The following REM1 variants were observed in gnomAD, a reference collection of about 807,000 sequenced individuals.
REM1 encodes RRAD and GEM like GTPase 1, also known as GTP-binding protein REM 1.
In REM1, 20 loss-of-function variants were observed where a neutral mutation model predicts 27.0. The observed-to-expected ratio is 0.74, with a 90% CI of 0.52 to 1.08. REM1 has a LOEUF of 1.08. Ranked by LOEUF, REM1 falls within the 50% of genes least tolerant of loss-of-function variation. REM1 has a pLI of 0.00. For synonymous variants in REM1, 159 were observed against 167.9 expected, an observed-to-expected ratio of 0.95 and a Z score of 0.41; for missense variants, 405 against 407.0, an observed-to-expected ratio of 1.00 and a Z score of 0.04.
Position 31,476,488 on chromosome 20 carries a change from C to T in REM1, c.43C>T (p.Arg15Trp), listed in dbSNP as rs750861943. 1.4e-5 allele frequency: 23 copies of T among 1,611,428 alleles called. No homozygotes were observed. Among genetic ancestry groups the T allele is most frequent in the Non-Finnish European group, 2.0e-5 (23 of 1,178,798 alleles). Residue 15 changes from arginine (R) to tryptophan (W), a missense_variant, in exon 2 of 5, where the codon CGG becomes TGG. By Grantham distance (101) the Arg-to-Trp change is moderately radical. Coordinates refer to ENST00000201979, the MANE Select transcript of REM1 (RefSeq NM_014012.6). ...TEQEAKTPLH[R>W]RASTPLPLSP... ...GCAGGAAGCAAAGACCCCTCTGCAC[C>T]GGCGAGCCAGCACCCCACTGCCCCT... is the stretch of plus-strand genomic sequence containing the variant.
Position 31,484,437 on chromosome 20 carries a change from C to G in REM1, c.*7C>G. 1 of 1,478,948 alleles carries G rather than the reference C, an allele frequency of 6.8e-7. No homozygotes were observed. The highest frequency in any genetic ancestry group is 2.4e-4 in the Middle Eastern group (1 of 4,152). The allele number at this position is 1,478,948 out of a possible 1,614,324, so 91.6% of individuals were successfully genotyped here. Reference sequence around the variant, plus strand: ...CAATCTGGCCGTGCTCTGAAGCCCCCCGCCCTTCTGAGAGTTGGCGGGTCA... The same window carrying G: ...CAATCTGGCCGTGCTCTGAAGCCCCGCGCCCTTCTGAGAGTTGGCGGGTCA... On this transcript the variant is annotated 3_prime_UTR_variant, in exon 5 of 5. Coordinates refer to ENST00000201979, the MANE Select transcript of REM1 (RefSeq NM_014012.6).
chr20:31,476,824 GA>G (rs754613565), intron 2 of REM1, 39 bp downstream of exon 2: 38 of 1,528,052 alleles, frequency 2.5e-5, no homozygotes, highest in Admixed American at 1.6e-4. Flanking sequence ...GTGGCCAAAG[GA>G]GCGAAAGCCC....
rs1031149558 is a variant in REM1, at chr20:31,484,050, T to C, written c.626-109T>C. 6 of 1,255,168 alleles carry C rather than the reference T, an allele frequency of 4.8e-6. No individual in the cohort carries two copies. The South Asian group carries it at 9.8e-5, about 20-fold the overall frequency. The allele number at this position is 1,255,168 out of a possible 1,614,324, so 77.8% of individuals were successfully genotyped here. On this transcript the variant is annotated intron_variant, in intron 4 of 4. Coordinates refer to ENST00000201979, the MANE Select transcript of REM1 (RefSeq NM_014012.6). ...AGTCCCCAGACAGCAGCACCAGGCA[T>C]GAGCACAGGAAAAATTGCTTCCAAT...
chr20:31,480,228 T>C (rs6120406), intron 3 of REM1, among the ~76,000 whole-genome samples: 22,233 of 120,960 alleles, frequency 0.18, 1,819 homozygotes, highest in African/African-American at 0.33. Flanking sequence ...GATAGATAGA[T>C]AGACAGATAC....
chr20:31,481,616 T>C (rs1260604872), intron 3 of REM1, among the ~76,000 whole-genome samples: 2 of 152,174 alleles, frequency 1.3e-5, no homozygotes, highest in Non-Finnish European at 2.9e-5. Context: ...TCAACACTTA[T>C]AAGGTTACTA....
chr20:31,482,052 G>A (rs1416356130), intron 3 of REM1, among the ~76,000 whole-genome samples: 1 of 152,230 alleles, frequency 6.6e-6, no homozygotes, highest in Non-Finnish European at 1.5e-5. Context: ...GTGAGTGAGA[G>A]AATTCTGTGA....
intron 4 of REM1, 86 bp from the exon 5 acceptor site, chr20:31,484,073 A>G: frequency 7.1e-7 from 1 of 1,402,662 alleles, no homozygotes; most frequent in Non-Finnish European, 9.4e-7. Context: ...AATTGCTTCC[A>G]ATCGAGACTA....
At chr20:31,482,795 G>A (rs1026649900) in intron 4 of REM1, among the ~76,000 whole-genome samples, 3 of 152,044 alleles carry the variant, frequency 2.0e-5, no homozygotes, top group Non-Finnish European at 2.9e-5. Context: ...CTTGCCACCT[G>A]CCAGAATTTT....
At chr20:31,477,713 G>A in intron 2 of REM1, 115 bp from the exon 3 acceptor site, 4 of 706,656 alleles carry the variant, frequency 5.7e-6, no homozygotes, top group Non-Finnish European at 7.5e-6. Flanking sequence ...AGTGTGATAA[G>A]CGTTTCCGAG....
intron 3 of REM1, among the ~76,000 whole-genome samples, chr20:31,480,597 A>G (rs1404165837): frequency 6.6e-6 from 1 of 152,184 alleles, no homozygotes; most frequent in Non-Finnish European, 1.5e-5. Context: ...TGCTGGGATT[A>G]CAAGCATAAG....
intron 3 of REM1, among the ~76,000 whole-genome samples, chr20:31,480,278 CAT>C (rs1266392716): frequency 2.2e-4 from 32 of 147,948 alleles, no homozygotes; most frequent in South Asian, 1.1e-3. Flanking sequence ...TACATACATA[CAT>C]ACATAGATAC....
chr20:31,482,733 C>T (rs1008377195), intron 4 of REM1, among the ~76,000 whole-genome samples: 2 of 152,214 alleles, frequency 1.3e-5, no homozygotes, highest in African/African-American at 4.8e-5. Flanking sequence ...AGTCTCTGTG[C>T]TATCCTGGCA....
In REM1 at chr20:31,484,335, G is replaced by C; in HGVS notation, c.802G>C (p.Ala268Pro). 1.3e-6 allele frequency: 2 copies of C among 1,566,386 alleles called. No individual in the cohort carries two copies. Among genetic ancestry groups the C allele is most frequent in the Non-Finnish European group, 1.7e-6 (2 of 1,156,620 alleles). The change falls in exon 5 of 5, where the codon GCT (alanine) becomes CCT (proline). Residue 268 changes from alanine to proline, a missense_variant. Transcript: ENST00000201979. ...PRRPASLAQR[A>P]RRFLARLTAR... ...ACGGCCGGCCAGCCTAGCCCAGCGC[G>C]CTCGTCGCTTCCTGGCACGCCTGAC...
chr20:31,476,738 G>T lies in REM1; in HGVS notation c.293G>T (p.Ser98Ile). The T allele has an allele frequency of 6.2e-7, 1 of 1,613,872 alleles. No homozygotes were observed. Among genetic ancestry groups the T allele is most frequent in the South Asian group, 1.1e-5 (1 of 91,046 alleles). Residue 98 changes from serine (S) to isoleucine (I), a missense_variant, in exon 2 of 5, where the codon AGC becomes ATC. Physicochemically the swap from Ser to Ile is moderately radical, Grantham distance 142. Coordinates refer to ENST00000201979, the MANE Select transcript of REM1 (RefSeq NM_014012.6). ...DPGVGKTSLA[S>I]LFAGKQERDL... is the part of the protein sequence containing the mutation. ...GGAGTGGGGAAGACCAGCTTGGCCA[G>T]CCTCTTTGCAGGGAAGCAAGAGAGG...
intron 3 of REM1, 108 bp downstream of exon 3, chr20:31,478,018 C>G (rs1347179972): frequency 2.9e-6 from 2 of 683,052 alleles, no homozygotes; most frequent in African/African-American, 1.8e-5. Context: ...CAACGGCCAT[C>G]CTCAGCACCC....
rs115215922 is a variant in REM1 at position 31,480,749 on chromosome 20, G to C, written c.424-1538G>C. ...TATTTGTGCAATGAATGAATGAATGGTCAAGACTCACTTTCTCATTCTAGA... is the reference window on the plus strand; with the variant it reads ...TATTTGTGCAATGAATGAATGAATGCTCAAGACTCACTTTCTCATTCTAGA... On this transcript the variant is annotated intron_variant, in intron 3 of 4. Coordinates refer to ENST00000201979, the MANE Select transcript of REM1 (RefSeq NM_014012.6). Among the ~76,000 whole-genome samples, 674 of 152,248 alleles carry C rather than the reference G, an allele frequency of 4.4e-3. 4 individuals carry two copies. The highest frequency in any genetic ancestry group is 0.016 in the African/African-American group (646 of 41,514).
At chr20:31,480,188 AAGATAGATAGATAGAT>A (rs11467647) in intron 3 of REM1, among the ~76,000 whole-genome samples, 229 of 150,164 alleles carry the variant, frequency 1.5e-3, no homozygotes, top group Middle Eastern at 0.014. Flanking sequence ...CATCTCAATA[AAGATAGATAGATAGAT>A]AGATAGATAG....
rs1980493336 is a variant in REM1, at chr20:31,476,311, G to A, written c.-135G>A. 7 of 723,372 alleles carry A rather than the reference G, an allele frequency of 9.7e-6. No homozygotes were observed. Among genetic ancestry groups the A allele is most frequent in the Non-Finnish European group, 1.4e-5 (6 of 430,908 alleles). 44.8% of individuals were successfully genotyped at this position (723,372 alleles called of 1,614,324 possible). ...ACCTCCTACTCCCATCTGAACAAGA[G>A]GGGGATCTGGAAGAAGCCATACAGC... On this transcript the variant is annotated 5_prime_UTR_variant, in exon 2 of 5. Transcript: ENST00000201979.
Position 31,484,397 on chromosome 20 carries a change from C to T in REM1, c.864C>T (p.Arg288=), listed in dbSNP as rs1980852113. 1 of 1,539,574 alleles carries T rather than the reference C, an allele frequency of 6.5e-7. No homozygotes were observed. The highest frequency in any genetic ancestry group is 1.4e-5 in the African/African-American group (1 of 72,542). ...CACGCCGCCGGGCACTCAAGGCCCGCTCCAAGTCCTGCCACAATCTGGCCG... is the reference window on the plus strand; with the variant it reads ...CACGCCGCCGGGCACTCAAGGCCCGTTCCAAGTCCTGCCACAATCTGGCCG... ...RSARRRALKA[R]SKSCHNLAVL The change falls in exon 5 of 5, where the codon CGC becomes CGT. Residue 288 remains arginine, a synonymous_variant. Transcript: ENST00000201979.
Sources: gnomAD v4.1 joint callset for allele counts (sites outside exome capture counted in the v4.1 genomes callset) on GRCh38, gnomAD v4.1.1 for gene constraint, MANE v1.5 for transcripts, NCBI Gene and HGNC (gene_info 2026-07-23, HGNC 2026-07-21) for gene names.